UVSSA: variants seen among roughly 807,000 people sequenced by gnomAD.
The protein encoded by UVSSA is UV stimulated scaffold protein A.
In UVSSA, 72 loss-of-function variants were observed where a neutral mutation model predicts 73.9. The ratio of observed to expected loss-of-function variants is 0.97; its 90% confidence interval spans 0.81 to 1.19. UVSSA has a LOEUF of 1.19. UVSSA is among the 50% of genes most tolerant of loss of function. The pLI, the probability that UVSSA is intolerant of heterozygous loss-of-function variation, is 0.00. For synonymous variants in UVSSA, 454 were observed against 391.3 expected (o/e 1.16, Z -1.89); for missense variants, 1,150 against 965.0 (o/e 1.19, Z -2.54).
chr4:1,394,373 A>T, exon 14 of UVSSA: 1 of 1,380,462 alleles, frequency 7.2e-7, no homozygotes, highest in Non-Finnish European at 9.8e-7. Context: ...AATGTTTTCC[A>T]TGTTTTCTTC....
At chr4:1,373,387 T>C (rs1292529779) in intron 8 of UVSSA, among the ~76,000 whole-genome samples, 1 of 152,146 alleles carries the variant, frequency 6.6e-6, no homozygotes, top group Non-Finnish European at 1.5e-5. Flanking sequence ...TTTATATTCG[T>C]TGGCAGCTGA....
At chr4:1,373,569 T>C (rs1483802947) in intron 8 of UVSSA, among the ~76,000 whole-genome samples, 1 of 152,114 alleles carries the variant, frequency 6.6e-6, no homozygotes, top group Non-Finnish European at 1.5e-5. Flanking sequence ...CGGGCCATGG[T>C]GTTCTTAGGT....
At chr4:1,348,271 C>T (rs1043948875) in intron 2 of UVSSA, 82 bp downstream of exon 2, 4 of 1,114,554 alleles carry the variant, frequency 3.6e-6, no homozygotes, top group South Asian at 1.3e-5. Flanking sequence ...CCTGCCCCCA[C>T]CTGGGAGAGA....
chr4:1,378,614 G>A (rs985456429), intron 10 of UVSSA, among the ~76,000 whole-genome samples: 1 of 152,186 alleles, frequency 6.6e-6, no homozygotes, highest in Non-Finnish European at 1.5e-5. Flanking sequence ...GCACCTGGAC[G>A]GGGAGGAAGC....
At chr4:1,373,757 A>AC (rs1355463697) in intron 8 of UVSSA, among the ~76,000 whole-genome samples, 15 of 151,634 alleles carry the variant, frequency 9.9e-5, no homozygotes, top group African/African-American at 3.6e-4. Flanking sequence ...CGTCCCCCAC[A>AC]CCCCTCAGAG....
intron 12 of UVSSA, among the ~76,000 whole-genome samples, 173 bp downstream of exon 12, chr4:1,381,161 G>A (rs1324058285): frequency 6.6e-6 from 1 of 152,220 alleles, no homozygotes; most frequent in African/African-American, 2.4e-5. Context: ...TGCCCTGAGG[G>A]TCCTGGGTTT....
intron 7 of UVSSA, 60 bp from the exon 8 acceptor site, chr4:1,366,258 CCG>C: frequency 7.5e-7 from 1 of 1,334,030 alleles, no homozygotes; most frequent in Non-Finnish European, 1.0e-6. Flanking sequence ...GCTCTGCCCA[CCG>C]GGAGCTGTGT....
chr4:1,381,324 C>G (rs1018637468), intron 12 of UVSSA, among the ~76,000 whole-genome samples: 1 of 152,228 alleles, frequency 6.6e-6, no homozygotes, highest in East Asian at 1.9e-4. Context: ...GGCCTTAAGG[C>G]GAGAGAAGTG....
At chr4:1,379,341 T>G (rs1010484272) in intron 10 of UVSSA, among the ~76,000 whole-genome samples, 7 of 152,200 alleles carry the variant, frequency 4.6e-5, no homozygotes, top group Non-Finnish European at 8.8e-5. Context: ...TGCCTGGGCA[T>G]CCAGGTGGGC....
In UVSSA at chr4:1,384,084, C is replaced by T. The variant is rs777838953; in HGVS notation, c.2036+144C>T. The T allele has an allele frequency of 5.0e-5, 56 of 1,114,896 alleles. No individual in the cohort carries two copies. The South Asian group carries it at 5.2e-4, about 10-fold the overall frequency. The allele number at this position is 1,114,896 out of a possible 1,614,324, so 69.1% of individuals were successfully genotyped here. A position where few individuals can be genotyped will look rare whatever the true frequency, so the allele number is the denominator to read the frequency against. ...CTTTGAGTTCCCCTGGGGGACCACC[C>T]AGCCTTTCCCCGGGGAGGGGCAGTG... On this transcript the variant is annotated intron_variant, in intron 13 of 13. Transcript: ENST00000389851.
chr4:1,391,714 T>C (rs950576363), downstream of UVSSA: 4 of 84,804 alleles, frequency 4.7e-5, no homozygotes, highest in African/African-American at 1.3e-4. Context: ...AGTGGGATCA[T>C]GTTTCTTATC....
In UVSSA at chr4:1,386,281, G is replaced by C. The variant is rs377104789; in HGVS notation, c.*320G>C. 22 of 296,912 alleles carry C rather than the reference G, an allele frequency of 7.4e-5. No individual in the cohort carries two copies. The highest frequency in any genetic ancestry group is 3.6e-4 in the African/African-American group (17 of 46,658). 18.4% of individuals were successfully genotyped at this position (296,912 alleles called of 1,614,324 possible). A position where few individuals can be genotyped will look rare whatever the true frequency, so the allele number is the denominator to read the frequency against. On this transcript the variant is annotated 3_prime_UTR_variant, in exon 14 of 14. Transcript: ENST00000389851. ...TCGTGGTGTGGGGTTCAGCACGGACGGAATGTGTGTGCAGCTCAGCCTTCA... is the reference window on the plus strand; with the variant it reads ...TCGTGGTGTGGGGTTCAGCACGGACCGAATGTGTGTGCAGCTCAGCCTTCA...
In UVSSA at chr4:1,386,079, TA is replaced by T; in HGVS notation, c.*121del. 1 of 1,082,000 alleles carries T rather than the reference TA, an allele frequency of 9.2e-7. No homozygotes were observed. Among genetic ancestry groups the T allele is most frequent in the Non-Finnish European group, 1.4e-6 (1 of 723,074 alleles). The allele number at this position is 1,082,000 out of a possible 1,614,324, so 67.0% of individuals were successfully genotyped here. On this transcript the variant is annotated 3_prime_UTR_variant, in exon 14 of 14. Coordinates refer to ENST00000389851, the MANE Select transcript of UVSSA (RefSeq NM_020894.4). ...GCTTTGTCTATTACTGTGTTTGATGTAAAGAAATGGTGTGTTGCAATGCCCT... is the reference window on the plus strand; with the variant it reads ...GCTTTGTCTATTACTGTGTTTGATGTAAGAAATGGTGTGTTGCAATGCCCT...
intron 6 of UVSSA, 55 bp downstream of exon 6, chr4:1,354,902 A>AG (rs1449512871): frequency 2.5e-6 from 3 of 1,196,432 alleles, no homozygotes; most frequent in Non-Finnish European, 3.5e-6. Context: ...AGTGCCATGC[A>AG]TGGGGGGGGT....
intron 11 of UVSSA, chr4:1,380,534 G>A: frequency 9.6e-7 from 1 of 1,039,322 alleles, no homozygotes; most frequent in Non-Finnish European, 1.4e-6. Context: ...CTGGGCCTGG[G>A]ATCCTCAAAA....
rs1175587795 is a variant in UVSSA, at chr4:1,349,811, A to G, written c.386A>G (p.Lys129Arg). The change falls in exon 3 of 14, where the codon AAG becomes AGG. Residue 129 changes from lysine (K) to arginine (R), a missense_variant. By Grantham distance (26) the Lys-to-Arg change is conservative. Coordinates refer to ENST00000389851, the MANE Select transcript of UVSSA (RefSeq NM_020894.4). ...AATGAGAAGTTTGGGGAGGCCTACA[A>G]GAAGCTTGCCTTGGGCTACCACTTC... Reference protein sequence around the residue: ...GWNEKFGEAYKKLALGYHFLR... With the variant: ...GWNEKFGEAYRKLALGYHFLR... 1.9e-6 allele frequency: 3 copies of G among 1,585,264 alleles called. No individual in the cohort carries two copies. The highest frequency in any genetic ancestry group is 2.6e-6 in the Non-Finnish European group (3 of 1,164,606).
downstream of UVSSA, chr4:1,388,948 T>G (rs914810100): frequency 6.6e-6 from 1 of 152,192 alleles, no homozygotes; most frequent in Non-Finnish European, 1.5e-5. Flanking sequence ...CCTCATAGAT[T>G]GAGGTGGGAA....
Position 1,353,168 on chromosome 4 carries a change from C to T in UVSSA, c.689C>T (p.Ser230Phe). The change falls in exon 5 of 14, where the codon TCC becomes TTC. Residue 230 changes from serine to phenylalanine, a missense_variant. By Grantham distance (155) the Ser-to-Phe change is radical. Transcript: ENST00000389851. The stretch of plus-strand genomic sequence containing the variant: ...GGCATGTCCGATGCCCTTCGCTCCT[C>T]CTGCGCGGGCCAGGTGGGCCCCTGC... Reference protein sequence around the residue: ...ASGMSDALRSSCAGQVGPCRS... With the variant: ...ASGMSDALRSFCAGQVGPCRS... 1 of 1,612,920 alleles carries T rather than the reference C, an allele frequency of 6.2e-7. No homozygotes were observed. Among genetic ancestry groups the T allele is most frequent in the Non-Finnish European group, 8.5e-7 (1 of 1,179,992 alleles).
At position 1,376,116 on chromosome 4, in the gene UVSSA, G is replaced by A. The variant is rs776992184; in HGVS notation, c.1516G>A (p.Val506Met). ...RARAPVVPYGVDLHYWGQELP... is the reference protein window; with the variant it reads ...RARAPVVPYGMDLHYWGQELP... ...CCGGGCGCCTGTGGTGCCCTACGGC[G>A]TGGACCTGCACTACTGGGGCCAGGA... The change falls in exon 10 of 14, where the codon GTG becomes ATG. Residue 506 changes from valine to methionine, a missense_variant. Val to Met is a conservative substitution (Grantham distance 21). Transcript: ENST00000389851. 11 of 1,608,952 alleles carry A rather than the reference G, an allele frequency of 6.8e-6. No homozygotes were observed. The highest frequency in any genetic ancestry group is 2.2e-5 in the East Asian group (1 of 44,762).
Sources: gnomAD v4.1 joint callset for allele counts (sites outside exome capture counted in the v4.1 genomes callset) on GRCh38, gnomAD v4.1.1 for gene constraint, MANE v1.5 for transcripts, NCBI Gene and HGNC (gene_info 2026-07-23, HGNC 2026-07-21) for gene names.